The following TOX variants were observed in gnomAD, a reference collection of about 807,000 sequenced individuals.
TOX encodes thymocyte selection-associated high mobility group box protein TOX.
Under a neutral mutation model 53.7 loss-of-function variants are expected in TOX, and 11 were observed. The observed-to-expected ratio is 0.20, with a 90% CI of 0.13 to 0.34. TOX has a LOEUF of 0.34. Among genes scored for constraint, TOX ranks in the 10% least tolerant of loss-of-function variants. TOX has a pLI of 1.00. For synonymous variants in TOX, 225 were observed against 245.3 expected (o/e 0.92, Z 0.77); for missense variants, 570 against 664.6 (o/e 0.86, Z 1.56).
intron 1 of TOX, among the ~76,000 whole-genome samples, chr8:59,024,117 C>A (rs1054279088): frequency 3.9e-5 from 6 of 152,192 alleles, no homozygotes; most frequent in African/African-American, 1.4e-4. Flanking sequence ...TTCTCTCTCT[C>A]GCACTGGATT....
At chr8:58,969,978 T>G (rs1812973798) in intron 1 of TOX, among the ~76,000 whole-genome samples, 1 of 152,214 alleles carries the variant, frequency 6.6e-6, no homozygotes, top group African/African-American at 2.4e-5. Context: ...CACCACATGA[T>G]GCTAACAGGC....
Position 58,815,672 on chromosome 8 carries a change from T to C in TOX, c.1058A>G (p.Asn353Ser). The change falls in exon 7 of 9, where the codon AAT becomes AGT. Residue 353 changes from asparagine to serine, a missense_variant. Asn to Ser is a conservative substitution (Grantham distance 46, BLOSUM62 1). Around this residue, in one of 3 missense-constraint regions of TOX, gnomAD observed 239 missense variants for 250.7 expected, o/e 0.95. Transcript: ENST00000361421. ...CCCATGGAACACCGACGGCTTCGAATTGATCAGCTGAGGAGGTTGAGATGT... is the reference window on the plus strand; with the variant it reads ...CCCATGGAACACCGACGGCTTCGAACTGATCAGCTGAGGAGGTTGAGATGT... ...VKTSQPPQLI[N>S]SKPSVFHGPS... is the part of the protein sequence containing the mutation. 4 of 1,614,056 alleles carry C rather than the reference T, an allele frequency of 2.5e-6. No homozygotes were observed. Among genetic ancestry groups the C allele is most frequent in the East Asian group, 2.2e-5 (1 of 44,880 alleles).
intron 4 of TOX, among the ~76,000 whole-genome samples, chr8:58,849,547 TA>T (rs1810773400): frequency 6.6e-6 from 1 of 152,200 alleles, no homozygotes; most frequent in African/African-American, 2.4e-5. Context: ...AACAGGTTAA[TA>T]GCAAATGGCA....
intron 1 of TOX, among the ~76,000 whole-genome samples, chr8:59,043,949 C>G (rs1019871064): frequency 1.3e-5 from 2 of 152,194 alleles, no homozygotes; most frequent in African/African-American, 4.8e-5. Context: ...TGGCACTGAA[C>G]CCCAAGAGGT....
intron 3 of TOX, among the ~76,000 whole-genome samples, chr8:58,889,407 G>A (rs957223263): frequency 6.6e-5 from 10 of 152,046 alleles, no homozygotes; most frequent in Middle Eastern, 6.8e-3. Context: ...TTTTGTAAAA[G>A]AAAAAGTCAG....
chr8:59,116,947 T>C (rs534966091), intron 1 of TOX, among the ~76,000 whole-genome samples: 4 of 152,350 alleles, frequency 2.6e-5, no homozygotes, highest in South Asian at 4.1e-4. Flanking sequence ...AATTGGAAAA[T>C]GATTTAATAT....
In TOX at chr8:58,805,424, T is replaced by C. The variant is rs62505114; in HGVS notation, c.*2323A>G. ...TCACCAAATAGAATACGGTCACGCA[T>C]AATAACAGTTTTATTGATGATGTGT... On this transcript the variant is annotated 3_prime_UTR_variant, in exon 9 of 9. Coordinates refer to ENST00000361421, the MANE Select transcript of TOX (RefSeq NM_014729.3). The C allele has an allele frequency of 0.021, 3,130 of 152,366 alleles. 54 individuals are homozygous for C. Among genetic ancestry groups the C allele is most frequent in the Non-Finnish European group, 0.03 (2,062 of 68,020 alleles). The allele number at this position is 152,366 out of a possible 1,614,324, so 9.4% of individuals were successfully genotyped here. A position where few individuals can be genotyped will look rare whatever the true frequency, so the allele number is the denominator to read the frequency against.
chr8:58,838,166 T>C lies in TOX; in HGVS notation c.839A>G (p.Lys280Arg). The C allele has an allele frequency of 6.2e-7, 1 of 1,614,232 alleles. No individual in the cohort carries two copies. Among genetic ancestry groups the C allele is most frequent in the Non-Finnish European group, 8.5e-7 (1 of 1,180,030 alleles). Residue 280 changes from lysine to arginine, a missense_variant, in exon 5 of 9, where the codon AAG (lysine) becomes AGG (arginine). Lys to Arg is a conservative substitution (Grantham distance 26). Coordinates refer to ENST00000361421, the MANE Select transcript of TOX (RefSeq NM_014729.3). ...LFFRDTQAAI[K>R]GQNPNATFGE... ...AAAGGTAGCGTTTGGATTTTGGCCCTTGATGGCGGCCTGAGTATCACGAAA... is the reference window on the plus strand; with the variant it reads ...AAAGGTAGCGTTTGGATTTTGGCCCCTGATGGCGGCCTGAGTATCACGAAA...
At chr8:58,996,884 T>C (rs1813569397) in intron 1 of TOX, among the ~76,000 whole-genome samples, 1 of 152,194 alleles carries the variant, frequency 6.6e-6, no homozygotes, top group African/African-American at 2.4e-5. Flanking sequence ...TAGCCAGTTA[T>C]GCAATGGTTG....
At chr8:59,108,247 G>A (rs1804946883) in intron 1 of TOX, among the ~76,000 whole-genome samples, 1 of 152,254 alleles carries the variant, frequency 6.6e-6, no homozygotes, top group East Asian at 1.9e-4. Flanking sequence ...CTGCTGAAAC[G>A]CTTGCCACTT....
Position 58,851,827 on chromosome 8 carries a change from AT to A in TOX, c.412-23del. 7.8e-7 allele frequency: 1 copy of A among 1,275,330 alleles called. No homozygotes were observed. The allele number at this position is 1,275,330 out of a possible 1,614,324, so 79.0% of individuals were successfully genotyped here. On this transcript the variant is annotated intron_variant, in intron 3 of 8. Transcript: ENST00000361421. This position sits in a 1 kb window ranked among gnomAD's most constrained non-coding sequence, Gnocchi z 4.4. ...GCATCTACAATAAATAAATAAATAA[AT>A]AAATAAATAAATAAATAAATAGGAA...
At position 58,904,215 on chromosome 8, in the gene TOX, T is replaced by C. The variant is rs1015832427; in HGVS notation, c.411+35087A>G. ...GGAATAAAAATTTACAAAATGCCTCTACATTGTGAAATGTGTGACTTTTTT... is the reference window on the plus strand; with the variant it reads ...GGAATAAAAATTTACAAAATGCCTCCACATTGTGAAATGTGTGACTTTTTT... On this transcript the variant is annotated intron_variant, in intron 3 of 8. Coordinates refer to ENST00000361421, the MANE Select transcript of TOX (RefSeq NM_014729.3). Among the ~76,000 whole-genome samples, 5 of 152,326 alleles carry C rather than the reference T, an allele frequency of 3.3e-5. No individual in the cohort carries two copies. In the South Asian group the frequency reaches 8.3e-4, roughly 25 times the overall value.
At chr8:58,981,298 C>T (rs116055816) in intron 1 of TOX, among the ~76,000 whole-genome samples, 3,021 of 152,184 alleles carry the variant, frequency 0.02, 88 homozygotes, top group African/African-American at 0.069. Context: ...TCTCTCTAGT[C>T]GTCGTTCCAC....
chr8:58,970,581 C>A (rs1812982999), intron 1 of TOX, among the ~76,000 whole-genome samples: 1 of 152,140 alleles, frequency 6.6e-6, no homozygotes, highest in Non-Finnish European at 1.5e-5. Flanking sequence ...ATTGAGGTGC[C>A]TTCTCTGTGC....
intron 1 of TOX, among the ~76,000 whole-genome samples, chr8:59,020,802 A>G (rs1394535430): frequency 6.6e-6 from 1 of 152,190 alleles, no homozygotes; most frequent in Non-Finnish European, 1.5e-5. Context: ...ATAAAAATGC[A>G]TTTTGATAGT....
intron 3 of TOX, among the ~76,000 whole-genome samples, chr8:58,856,142 C>T (rs1810911896): frequency 6.6e-6 from 1 of 152,164 alleles, no homozygotes; most frequent in South Asian, 2.1e-4. Context: ...TTCCATGCTG[C>T]CTTTACCATC....
intron 1 of TOX, among the ~76,000 whole-genome samples, chr8:59,048,500 G>C (rs1803729324): frequency 2.0e-5 from 3 of 152,116 alleles, no homozygotes; most frequent in Admixed American, 2.0e-4. Context: ...ATAAATAACA[G>C]AGCAAAATTT....
chr8:59,001,824 C>T (rs889916447), intron 1 of TOX, among the ~76,000 whole-genome samples: 1 of 151,810 alleles, frequency 6.6e-6, no homozygotes, highest in African/African-American at 2.4e-5. Flanking sequence ...AAAAACAAAT[C>T]AAAAGAGACC....
At chr8:58,904,044 T>C (rs754227633) in intron 3 of TOX, among the ~76,000 whole-genome samples, 1 of 152,172 alleles carries the variant, frequency 6.6e-6, no homozygotes, top group Non-Finnish European at 1.5e-5. Context: ...TTAAGAAAGA[T>C]TAGATGTTTA....
Sources: gnomAD v4.1 joint callset for allele counts (sites outside exome capture counted in the v4.1 genomes callset) on GRCh38, gnomAD v4.1.1 for gene constraint, gnomAD v4.1.1 regional missense constraint, Gnocchi (gnomAD v3.1) non-coding constraint, MANE v1.5 for transcripts, NCBI Gene and HGNC (gene_info 2026-07-23, HGNC 2026-07-21) for gene names.